The following LYPD1 variants were observed in gnomAD, a reference collection of about 807,000 sequenced individuals.
LYPD1 encodes ly6/PLAUR domain-containing protein 1.
A neutral mutation model predicts 14.2 loss-of-function variants in LYPD1; 14 were observed. The ratio of observed to expected loss-of-function variants is 0.99; its 90% CI spans 0.65 to 1.54. The LOEUF (loss-of-function observed/expected upper bound fraction) is 1.54. Among genes scored for constraint, LYPD1 ranks in the 40% most tolerant of loss-of-function variants. LYPD1 has a pLI of 0.00. For synonymous variants in LYPD1, 85 were observed against 70.6 expected, an observed-to-expected ratio of 1.20 and a Z score of -1.02; for missense variants, 165 against 175.7, an observed-to-expected ratio of 0.94 and a Z score of 0.34.
At chr2:132,650,862 G>A (rs1217065068) in intron 2 of LYPD1, among the ~76,000 whole-genome samples, 1 of 152,144 alleles carries the variant, frequency 6.6e-6, no homozygotes, top group Non-Finnish European at 1.5e-5. Context: ...TGCAAGTGGG[G>A]AAACTGAGGC....
chr2:132,646,480 T>G (rs1444109143), intron 2 of LYPD1, 200 bp from the exon 3 acceptor site: 1 of 403,576 alleles, frequency 2.5e-6, no homozygotes, highest in Non-Finnish European at 4.4e-6. Context: ...TTCATTAGTT[T>G]TAACAAAACT....
At chr2:132,656,184 C>G (rs1284025992) in intron 2 of LYPD1, among the ~76,000 whole-genome samples, 1 of 152,214 alleles carries the variant, frequency 6.6e-6, no homozygotes, top group Non-Finnish European at 1.5e-5. Flanking sequence ...TCCTTTGCCT[C>G]TGCTCTTTTT....
chr2:132,644,937 T>C lies in LYPD1; in HGVS notation c.*1108A>G, dbSNP rs1681972894. On this transcript the variant is annotated 3_prime_UTR_variant, in exon 3 of 3. Transcript: ENST00000397463. The stretch of plus-strand genomic sequence containing the variant: ...ACAGTGTTAAATTCTCTCTTGCTTG[T>C]GGCAAAAGAAGCTGTCAAGTCCAAC... 1 of 727,134 alleles carries C rather than the reference T, an allele frequency of 1.4e-6. No homozygotes were observed. 45.0% of individuals were successfully genotyped at this position (727,134 alleles called of 1,614,324 possible). A position where few individuals can be genotyped will look rare whatever the true frequency, so the allele number is the denominator to read the frequency against.
At chr2:132,658,962 G>T (rs999890973) in intron 2 of LYPD1, among the ~76,000 whole-genome samples, 2 of 152,064 alleles carry the variant, frequency 1.3e-5, no homozygotes, top group Non-Finnish European at 2.9e-5. Context: ...AGGTGTGTGT[G>T]TGTGTGTGTG....
rs904420840 is a variant in LYPD1 at position 132,643,440 on chromosome 2, G to A, written c.*2605C>T. Among the ~76,000 whole-genome samples the A allele has an allele frequency of 1.3e-5, 2 of 152,172 alleles. No homozygotes were observed. The highest frequency in any genetic ancestry group is 2.9e-5 in the Non-Finnish European group (2 of 68,018). On this transcript the variant is annotated 3_prime_UTR_variant, in exon 3 of 3. Coordinates refer to ENST00000397463, the MANE Select transcript of LYPD1 (RefSeq NM_144586.7). Reference sequence around the variant, plus strand: ...CAGCTAGGGTCCCCTCCAACAGCAGGCAAGGAATACTCAGGCCAGTGCATA... The same window carrying A: ...CAGCTAGGGTCCCCTCCAACAGCAGACAAGGAATACTCAGGCCAGTGCATA...
chr2:132,670,062 G>A lies in LYPD1; in HGVS notation c.-130C>T, dbSNP rs1361428713. On this transcript the variant is annotated 5_prime_UTR_variant, in exon 1 of 3. Transcript: ENST00000397463. The surrounding 1 kb of genome is among the most constrained non-coding windows in gnomAD (Gnocchi z 4.5). ...CCCGCGCTGCTGCCGCGGAGACGAC[G>A]GTCGTAGCTTAGAGGAGCCGCAGGT... The A allele has an allele frequency of 6.6e-7, 1 of 1,524,196 alleles. No individual in the cohort carries two copies. The highest frequency in any genetic ancestry group is 8.7e-7 in the Non-Finnish European group (1 of 1,144,558). 94.4% of individuals were successfully genotyped at this position (1,524,196 alleles called of 1,614,324 possible). A position where few individuals can be genotyped will look rare whatever the true frequency, so the allele number is the denominator to read the frequency against.
chr2:132,653,184 A>G (rs1363523060), intron 2 of LYPD1, among the ~76,000 whole-genome samples: 1 of 152,198 alleles, frequency 6.6e-6, no homozygotes, highest in African/African-American at 2.4e-5. Context: ...TGAGGAAAGA[A>G]CATGAACCCT....
intron 2 of LYPD1, chr2:132,666,535 G>C (rs1437002506): frequency 6.6e-6 from 1 of 152,152 alleles, no homozygotes; most frequent in African/African-American, 2.4e-5. Context: ...GGCCAGAGGG[G>C]CCTGGTTTGG....
At chr2:132,655,514 A>ATTTTTTTTTTTTTTTTTTTTT (rs1180944589) in intron 2 of LYPD1, among the ~76,000 whole-genome samples, 1 of 99,494 alleles carries the variant, frequency 1.0e-5, no homozygotes, top group Non-Finnish European at 1.8e-5. Context: ...GTTGAGAAGC[A>ATTTTTTTTTTTTTTTTTTTTT]TTTTTTTTTT....
Position 132,670,078 on chromosome 2 carries a change from A to G in LYPD1, c.-146T>C. On this transcript the variant is annotated 5_prime_UTR_variant, in exon 1 of 3. Transcript: ENST00000397463. This position sits in a 1 kb window ranked among gnomAD's most constrained non-coding sequence, Gnocchi z 4.5. ...GGAGACGACGGTCGTAGCTTAGAGG[A>G]GCCGCAGGTGCCGCTCGCGGAGCCT... 6.7e-7 allele frequency: 1 copy of G among 1,489,810 alleles called. No homozygotes were observed. The highest frequency in any genetic ancestry group is 8.9e-7 in the Non-Finnish European group (1 of 1,127,798). 92.3% of individuals were successfully genotyped at this position (1,489,810 alleles called of 1,614,324 possible).
At position 132,645,263 on chromosome 2, in the gene LYPD1, A is replaced by AC. The variant is rs1558870620; in HGVS notation, c.*781dup. 1 of 1,613,930 alleles carries AC rather than the reference A, an allele frequency of 6.2e-7. No homozygotes were observed. Among genetic ancestry groups the AC allele is most frequent in the Non-Finnish European group, 8.5e-7 (1 of 1,179,950 alleles). ...TTTTTCTACCTCAGCTCGGTCATCA[A>AC]CCCGCTCCTGTACACGGTGTCCTCG... On this transcript the variant is annotated 3_prime_UTR_variant, in exon 3 of 3. Transcript: ENST00000397463.
chr2:132,645,663 A>T lies in LYPD1; in HGVS notation c.*382T>A. On this transcript the variant is annotated 3_prime_UTR_variant, in exon 3 of 3. Transcript: ENST00000397463. ...GGCCCTCCAGCCCTAAGAAAACGTCACTCTCACTCTGCAGTCTCAAACTAT... is the reference window on the plus strand; with the variant it reads ...GGCCCTCCAGCCCTAAGAAAACGTCTCTCTCACTCTGCAGTCTCAAACTAT... 1 of 1,556,044 alleles carries T rather than the reference A, an allele frequency of 6.4e-7. No homozygotes were observed. Among genetic ancestry groups the T allele is most frequent in the South Asian group, 1.2e-5 (1 of 80,618 alleles).
chr2:132,662,913 C>T (rs1683045288), intron 2 of LYPD1: 1 of 152,212 alleles, frequency 6.6e-6, no homozygotes, highest in Admixed American at 6.5e-5. Flanking sequence ...TCAGCACCGG[C>T]TGCTTGTTCA....
chr2:132,659,270 G>A (rs1055442714), intron 2 of LYPD1, among the ~76,000 whole-genome samples: 6 of 151,986 alleles, frequency 3.9e-5, no homozygotes, highest in African/African-American at 7.3e-5. Flanking sequence ...TTCAATATAC[G>A]CAGTCAGCAA....
At chr2:132,657,998 C>G (rs1242942798) in intron 2 of LYPD1, among the ~76,000 whole-genome samples, 2 of 152,204 alleles carry the variant, frequency 1.3e-5, no homozygotes, top group Admixed American at 1.3e-4. Flanking sequence ...AGACAGTGAT[C>G]TGACCCATGA....
chr2:132,661,652 G>C (rs1313183549), intron 2 of LYPD1, among the ~76,000 whole-genome samples: 1 of 152,176 alleles, frequency 6.6e-6, no homozygotes, highest in Non-Finnish European at 1.5e-5. Flanking sequence ...CACACAGTAT[G>C]AGATTTCACT....
chr2:132,659,824 C>T (rs866671957), intron 2 of LYPD1, among the ~76,000 whole-genome samples: 4 of 152,208 alleles, frequency 2.6e-5, no homozygotes, highest in South Asian at 2.1e-4. Flanking sequence ...ACTAGTCAAC[C>T]CGCTAGGCTC....
At chr2:132,646,491 G>C (rs749383684) in intron 2 of LYPD1, 2 of 399,648 alleles carry the variant, frequency 5.0e-6, no homozygotes, top group East Asian at 3.6e-5. Context: ...TAACAAAACT[G>C]TTCCAAAAGC....
At chr2:132,664,921 G>A (rs1165949827) in intron 2 of LYPD1, among the ~76,000 whole-genome samples, 4 of 152,198 alleles carry the variant, frequency 2.6e-5, no homozygotes, top group Non-Finnish European at 5.9e-5. Flanking sequence ...TCATTATCAA[G>A]GGTGCTAGTA....
Sources: allele counts gnomAD v4.1 joint callset (sites outside exome capture counted in the v4.1 genomes callset), GRCh38; gene constraint gnomAD v4.1.1; non-coding constraint Gnocchi (gnomAD v3.1); transcripts MANE v1.5; gene names NCBI Gene and HGNC (gene_info 2026-07-23, HGNC 2026-07-21).